BTN1A1: variants seen among roughly 807,000 people sequenced by gnomAD.
BTN1A1 encodes bK14H9.2 (butyrophilin, subfamily 1, member A1).
BTN1A1 carries 26 observed loss-of-function variants against 33.1 expected under a neutral mutation model. That is an observed-to-expected ratio of 0.79 (90% CI 0.58 to 1.09). The LOEUF (loss-of-function observed/expected upper bound fraction) is 1.09. Ranked by LOEUF, BTN1A1 falls within the 50% of genes least tolerant of loss-of-function variation. BTN1A1 has a pLI of 0.00. For synonymous variants in BTN1A1, 235 were observed against 256.2 expected, an observed-to-expected ratio of 0.92 and a Z score of 0.79; for missense variants, 558 against 655.7, an observed-to-expected ratio of 0.85 and a Z score of 1.63.
At chr6:26,502,237 G>A (rs1446918946) in intron 3 of BTN1A1, among the ~76,000 whole-genome samples, 1 of 152,212 alleles carries the variant, frequency 6.6e-6, no homozygotes, top group Non-Finnish European at 1.5e-5. Context: ...ATAATTTATA[G>A]AATAGTTTTT....
Position 26,501,492 on chromosome 6 carries a change from A to G in BTN1A1, c.80-98A>G. The G allele has an allele frequency of 6.3e-7, 1 of 1,584,090 alleles. No individual in the cohort carries two copies. Among genetic ancestry groups the G allele is most frequent in the South Asian group, 1.1e-5 (1 of 89,526 alleles). On this transcript the variant is annotated intron_variant, in intron 2 of 7. Transcript: ENST00000684113. The surrounding 1 kb of genome is among the most constrained non-coding windows in gnomAD (Gnocchi z 5.2). ...GACAAACTCAGCTGTCAAAGGAGTA[A>G]GAGAGCGCGGGGCACTGCGCTTTGG...
At position 26,505,254 on chromosome 6, in the gene BTN1A1, A is replaced by G. The variant is rs767164420; in HGVS notation, c.709+48A>G. ...GATTCCTATGTTGACACAGCTTCAG[A>G]GCCACACCACCTGGGACACCTGCCC... On this transcript the variant is annotated intron_variant, in intron 4 of 7. Coordinates refer to ENST00000684113, the MANE Select transcript of BTN1A1 (RefSeq NM_001732.3). The G allele has an allele frequency of 6.4e-6, 10 of 1,563,232 alleles. No individual in the cohort carries two copies. In the Admixed American group the frequency reaches 8.4e-5, roughly 13 times the overall value.
At position 26,508,030 on chromosome 6, in the gene BTN1A1, T is replaced by G. The variant is rs1323957868; in HGVS notation, c.881-31T>G. 4 of 1,612,620 alleles carry G rather than the reference T, an allele frequency of 2.5e-6. No homozygotes were observed. The South Asian group carries it at 4.4e-5, about 18-fold the overall frequency. On this transcript the variant is annotated intron_variant, in intron 6 of 7. Transcript: ENST00000684113. ...GTTTTCTCTCTCTTATTATATAACC[T>G]GTCAATGACTATCTTTCTCTTTTGT...
intron 5 of BTN1A1, among the ~76,000 whole-genome samples, chr6:26,507,266 G>A (rs977620113): frequency 2.0e-5 from 3 of 152,102 alleles, no homozygotes; most frequent in Non-Finnish European, 4.4e-5. Context: ...AAAATTGGAG[G>A]AAATCATAAG....
intron 7 of BTN1A1, 29 bp from the exon 8 acceptor site, chr6:26,508,472 T>C (rs1164876321): frequency 3.8e-5 from 61 of 1,586,402 alleles, no homozygotes; most frequent in Non-Finnish European, 4.9e-5. Flanking sequence ...TATTCACTGA[T>C]GTCAGACCTG....
rs1763903611 is a variant in BTN1A1 at position 26,508,661 on chromosome 6, A to C, written c.1068A>C (p.Gly356=). 6.2e-7 allele frequency: 1 copy of C among 1,614,162 alleles called. No individual in the cohort carries two copies. The highest frequency in any genetic ancestry group is 1.1e-5 in the South Asian group (1 of 91,082). The stretch of plus-strand genomic sequence containing the variant: ...TGGGCCGTGAGACCTTCACCTCAGG[A>C]AGGCATTACTGGGAGGTGGAGGTGG... ...CVLGRETFTS[G]RHYWEVEVGD... Residue 356 remains glycine (G), a synonymous_variant, in exon 8 of 8, where the codon GGA becomes GGC. Coordinates refer to ENST00000684113, the MANE Select transcript of BTN1A1 (RefSeq NM_001732.3).
At chr6:26,508,135 G>A in intron 7 of BTN1A1, 48 bp downstream of exon 7, 1 of 1,552,856 alleles carries the variant, frequency 6.4e-7, no homozygotes, top group Non-Finnish European at 8.7e-7. Flanking sequence ...TATCCCCTAG[G>A]AATTCAAAGT....
intron 1 of BTN1A1, among the ~76,000 whole-genome samples, chr6:26,500,960 A>G (rs1207844601): frequency 6.6e-6 from 1 of 152,116 alleles, no homozygotes; most frequent in African/African-American, 2.4e-5. Context: ...TTTTTAGTGC[A>G]GTGATTCCAA....
chr6:26,501,805 C>T lies in BTN1A1; in HGVS notation c.295C>T (p.Gln99Ter). The T allele has an allele frequency of 1.9e-6, 3 of 1,613,348 alleles. No individual in the cohort carries two copies. The highest frequency in any genetic ancestry group is 2.2e-5 in the East Asian group (1 of 44,868). Reference sequence around the variant, plus strand: ...GTACCGCGGGCGGGCGACGCTGGTCCAGGACGGCATCGCCAAGGGGCGCGT... The same window carrying T: ...GTACCGCGGGCGGGCGACGCTGGTCTAGGACGGCATCGCCAAGGGGCGCGT... ...PEYRGRATLV[Q>*]DGIAKGRVAL... The change falls in exon 3 of 8, where the codon CAG (glutamine) becomes TAG (stop). Residue 99 changes from glutamine (Q) to a stop codon, truncating the protein, a stop_gained. Coordinates refer to ENST00000684113, the MANE Select transcript of BTN1A1 (RefSeq NM_001732.3). LOFTEE classifies it high-confidence loss of function. The surrounding 1 kb of genome is among the most constrained non-coding windows in gnomAD (Gnocchi z 5.2).
intron 5 of BTN1A1, among the ~76,000 whole-genome samples, chr6:26,507,555 G>A (rs775667798): frequency 4.0e-5 from 6 of 151,862 alleles, no homozygotes; most frequent in Non-Finnish European, 5.9e-5. Flanking sequence ...GTGAAACCCC[G>A]TCTCTAATGA....
At chr6:26,504,855 G>A in intron 3 of BTN1A1, 70 bp from the exon 4 acceptor site, 3 of 1,472,306 alleles carry the variant, frequency 2.0e-6, no homozygotes, top group Non-Finnish European at 2.8e-6. Context: ...CTCAAACTAT[G>A]TAGCTCTCTG....
At chr6:26,506,359 C>T (rs1763869936) in intron 4 of BTN1A1, among the ~76,000 whole-genome samples, 1 of 152,070 alleles carries the variant, frequency 6.6e-6, no homozygotes, top group Admixed American at 6.6e-5. Context: ...TCCTTATTTA[C>T]CTCCTTCATC....
rs748634776 is a variant in BTN1A1, at chr6:26,501,701, G to A, written c.191G>A (p.Arg64His). ...PNASAEHLELRWFRKKVSPAV... is the reference protein window; with the variant it reads ...PNASAEHLELHWFRKKVSPAV... ...GCGAGCGCCGAGCACTTGGAGCTAC[G>A]CTGGTTCCGAAAGAAGGTTTCGCCG... The change falls in exon 3 of 8, where the codon CGC becomes CAC. Residue 64 changes from arginine (R) to histidine (H), a missense_variant. Physicochemically the swap from Arg to His is conservative, Grantham distance 29 (BLOSUM62 0). Transcript: ENST00000684113. This position sits in a 1 kb window ranked among gnomAD's most constrained non-coding sequence, Gnocchi z 5.2. 5.0e-6 allele frequency: 8 copies of A among 1,613,908 alleles called. No homozygotes were observed. Among genetic ancestry groups the A allele is most frequent in the South Asian group, 1.1e-5 (1 of 91,090 alleles).
At chr6:26,507,013 G>A (rs1411460232) in intron 5 of BTN1A1, among the ~76,000 whole-genome samples, 181 bp downstream of exon 5, 3 of 152,166 alleles carry the variant, frequency 2.0e-5, no homozygotes. Context: ...CTGAGGTCAG[G>A]AGTTCGAGAT....
intron 4 of BTN1A1, among the ~76,000 whole-genome samples, chr6:26,506,377 C>G (rs188358391): frequency 7.0e-4 from 107 of 152,230 alleles, no homozygotes; most frequent in Middle Eastern, 6.8e-3. Flanking sequence ...ATCCTCTTGG[C>G]TCCCATTCTG....
intron 5 of BTN1A1, 144 bp from the exon 6 acceptor site, chr6:26,507,806 T>C: frequency 1.1e-6 from 1 of 871,388 alleles, no homozygotes; most frequent in Non-Finnish European, 1.8e-6. Context: ...ACAAAATCCT[T>C]GTTCTTGATT....
intron 5 of BTN1A1, among the ~76,000 whole-genome samples, chr6:26,507,507 C>T (rs1259184113): frequency 6.6e-6 from 1 of 152,098 alleles, no homozygotes; most frequent in Non-Finnish European, 1.5e-5. Flanking sequence ...GGGTGGAACA[C>T]ATGAGGCCAG....
intron 3 of BTN1A1, 99 bp from the exon 4 acceptor site, chr6:26,504,826 C>A: frequency 8.0e-7 from 1 of 1,255,070 alleles, no homozygotes; most frequent in Non-Finnish European, 1.1e-6. Flanking sequence ...TCCACTTGTG[C>A]CTTTCTGTCT....
intron 4 of BTN1A1, among the ~76,000 whole-genome samples, chr6:26,505,840 C>T (rs905580793): frequency 6.6e-6 from 1 of 150,876 alleles, no homozygotes; most frequent in South Asian, 2.2e-4. Context: ...CTAAGTTGGC[C>T]GGGCGTGGTG....
Sources: allele counts gnomAD v4.1 joint callset (sites outside exome capture counted in the v4.1 genomes callset), GRCh38; gene constraint gnomAD v4.1.1; non-coding constraint Gnocchi (gnomAD v3.1); transcripts MANE v1.5; gene names NCBI Gene and HGNC (gene_info 2026-07-23, HGNC 2026-07-21).